The following UNC79 variants were observed in gnomAD, a reference collection of about 807,000 sequenced individuals.
The protein encoded by UNC79 is unc-79 subunit of NALCN channel complex, also known as protein unc-79 homolog.
In UNC79, 37 loss-of-function variants were observed where a neutral mutation model predicts 283.1. The ratio of observed to expected loss-of-function variants is 0.13; its 90% CI spans 0.10 to 0.17. The LOEUF (loss-of-function observed/expected upper bound fraction) is 0.17, where lower values mean the gene tolerates loss of function less well. UNC79 is among the 10% of genes least tolerant of loss of function. The pLI is 1.00. For missense variants in UNC79, 2,272 were observed against 3,211.1 expected (o/e 0.71, Z 7.07); for synonymous variants, 1,107 against 1,200.2 (o/e 0.92, Z 1.61).
At chr14:93,682,504 A>T in intron 41 of UNC79, 113 bp from the exon 45 acceptor site, 1 of 901,686 alleles carries the variant, frequency 1.1e-6, no homozygotes, top group Non-Finnish European at 1.7e-6. Flanking sequence ...TATCCAAGGC[A>T]GATCGTCATG....
At chr14:93,630,168 G>A (rs1276151026) in intron 30 of UNC79, among the ~76,000 whole-genome samples, 5 of 152,114 alleles carry the variant, frequency 3.3e-5, no homozygotes, top group Admixed American at 2.0e-4. Context: ...TATTTATTTC[G>A]GGTTGAGTAC....
chr14:93,608,961 T>A (rs2066092485), intron 26 of UNC79, among the ~76,000 whole-genome samples: 1 of 152,220 alleles, frequency 6.6e-6, no homozygotes, highest in Non-Finnish European at 1.5e-5. Flanking sequence ...GAAGCCTATG[T>A]TCTTATTGGA....
intron 11 of UNC79, 79 bp from the exon 12 acceptor site, chr14:93,537,910 A>G: frequency 7.1e-7 from 1 of 1,414,816 alleles, no homozygotes; most frequent in Non-Finnish European, 9.5e-7. Context: ...GTGGCCCCTT[A>G]AGTTTTCATT....
At chr14:93,422,210 G>C (rs1399138683) in intron 1 of UNC79, among the ~76,000 whole-genome samples, 1 of 151,746 alleles carries the variant, frequency 6.6e-6, no homozygotes, top group African/African-American at 2.4e-5. Flanking sequence ...GGAAAGGTGG[G>C]ATAGCTTGAA....
intron 1 of UNC79, among the ~76,000 whole-genome samples, chr14:93,444,475 T>C (rs938843584): frequency 6.6e-6 from 1 of 152,182 alleles, no homozygotes; most frequent in Non-Finnish European, 1.5e-5. Flanking sequence ...ATTTGCACTT[T>C]TGGTATCCTG....
intron 7 of UNC79, among the ~76,000 whole-genome samples, chr14:93,503,748 T>G (rs1369802620): frequency 3.3e-5 from 5 of 151,790 alleles, no homozygotes; most frequent in Non-Finnish European, 7.4e-5. Context: ...TCTTGTTTTT[T>G]TATTTTCTGA....
At chr14:93,612,884 T>C (rs747217768) in exon 27 of UNC79, 13 of 1,613,810 alleles carry the variant, frequency 8.1e-6, no homozygotes, top group Non-Finnish European at 1.1e-5. Flanking sequence ...CACCAGCTGA[T>C]TACAGTGCTC....
Position 93,621,751 on chromosome 14 carries a change from T to C in UNC79, c.4518T>C (p.Asn1506=). The C allele has an allele frequency of 6.2e-7, 1 of 1,614,186 alleles. No individual in the cohort carries two copies. The highest frequency in any genetic ancestry group is 1.3e-5 in the African/African-American group (1 of 75,060). ...AACAAAAATCTCTTGATATAGGGAA[T>C]GCAGACTCGCTTTTGTTTACATTAG... The change falls in exon 30 of 49, where the codon AAT becomes AAC. Residue 1506 remains asparagine, a synonymous_variant. Coordinates refer to ENST00000555664, the Ensembl canonical transcript of UNC79. This position sits in a 1 kb window ranked among gnomAD's most constrained non-coding sequence, Gnocchi z 4.8.
At chr14:93,672,612 C>CA (rs2072982094) in intron 40 of UNC79, among the ~76,000 whole-genome samples, 1 of 151,954 alleles carries the variant, frequency 6.6e-6, no homozygotes, top group African/African-American at 2.4e-5. Flanking sequence ...AGTAAGGTGA[C>CA]CATAACTAAT....
exon 1 of UNC79, chr14:93,333,252 G>T (rs1055458122): frequency 1.5e-5 from 6 of 401,828 alleles, no homozygotes; most frequent in African/African-American, 1.2e-4. Context: ...CGGGCGTCGG[G>T]TCGCTGGGAG....
chr14:93,495,928 A>G (rs1394918061), intron 5 of UNC79, among the ~76,000 whole-genome samples: 1 of 152,250 alleles, frequency 6.6e-6, no homozygotes, highest in Non-Finnish European at 1.5e-5. Flanking sequence ...CTAATCCATC[A>G]AGTCTGTCAC....
chr14:93,453,887 A>G (rs2056720605), intron 1 of UNC79, among the ~76,000 whole-genome samples: 1 of 152,194 alleles, frequency 6.6e-6, no homozygotes, highest in Non-Finnish European at 1.5e-5. Context: ...TTCTAGTACA[A>G]GTTCTCTTGA....
At chr14:93,343,805 C>T (rs2053765254) in intron 1 of UNC79, among the ~76,000 whole-genome samples, 1 of 152,112 alleles carries the variant, frequency 6.6e-6, no homozygotes, top group Non-Finnish European at 1.5e-5. Flanking sequence ...AAAACCTGAT[C>T]TCTAGGTTAT....
At position 93,484,877 on chromosome 14, in the gene UNC79, C is replaced by A. The variant is rs1003288913; in HGVS notation, c.620-2786C>A. Among the ~76,000 whole-genome samples the A allele has an allele frequency of 1.3e-5, 2 of 152,112 alleles. 1 individual carries two copies. The highest frequency in any genetic ancestry group is 4.8e-5 in the African/African-American group (2 of 41,428). On this transcript the variant is annotated intron_variant, in intron 4 of 48. Transcript: ENST00000555664. ...TGCAGCCAGTTTTCTAGGGCTTGAG[C>A]CAGGGGAATGCTTTTGGCCTCCTGG...
intron 32 of UNC79, among the ~76,000 whole-genome samples, chr14:93,638,124 A>G (rs991382773): frequency 5.9e-5 from 9 of 152,246 alleles, no homozygotes; most frequent in Admixed American, 2.6e-4. Context: ...TTAACCTATC[A>G]TTGGTAGAAA....
At chr14:93,629,885 C>A (rs1217889994) in intron 30 of UNC79, among the ~76,000 whole-genome samples, 4 of 152,182 alleles carry the variant, frequency 2.6e-5, no homozygotes, top group Non-Finnish European at 4.4e-5. Context: ...TCCAAGCCAG[C>A]AAGATGCTCA....
upstream of UNC79, among the ~76,000 whole-genome samples, chr14:93,428,949 G>A (rs974690813): frequency 4.6e-5 from 7 of 152,130 alleles, no homozygotes; most frequent in African/African-American, 1.7e-4. Flanking sequence ...ACTCAGTAAC[G>A]GGAGGGTTAA....
intron 13 of UNC79, 99 bp from the exon 14 acceptor site, chr14:93,542,367 G>T: frequency 1.7e-6 from 2 of 1,198,408 alleles, no homozygotes; most frequent in Non-Finnish European, 1.2e-6. Context: ...GATTATCTGG[G>T]ATATCTTTTT....
intron 2 of UNC79, among the ~76,000 whole-genome samples, chr14:93,469,057 C>T (rs1303935176): frequency 2.0e-5 from 3 of 152,158 alleles, no homozygotes; most frequent in Non-Finnish European, 2.9e-5. Flanking sequence ...GTTCTCAAAG[C>T]GAGAGACACT....
Sources: gnomAD v4.1 joint callset for allele counts (sites outside exome capture counted in the v4.1 genomes callset) on GRCh38, gnomAD v4.1.1 for gene constraint, Gnocchi (gnomAD v3.1) non-coding constraint, MANE v1.5 for transcripts, NCBI Gene and HGNC (gene_info 2026-07-23, HGNC 2026-07-21) for gene names.